The following SERPINI1 variants were observed in gnomAD, a reference collection of about 807,000 sequenced individuals.
SERPINI1 encodes the protein serpin family I member 1.
Under a neutral mutation model 41.1 loss-of-function variants are expected in SERPINI1, and 19 were observed. That is an observed-to-expected ratio of 0.46 (90% confidence interval 0.32 to 0.68). SERPINI1 has a LOEUF of 0.68. Among genes scored for constraint, SERPINI1 ranks in the 30% least tolerant of loss-of-function variants. SERPINI1 has a pLI of 0.03. For synonymous variants in SERPINI1, 138 were observed against 156.6 expected (o/e 0.88, Z 0.89); for missense variants, 460 against 479.2 (o/e 0.96, Z 0.37).
chr3:167,740,465 T>C (rs1355647093), intron 1 of SERPINI1, among the ~76,000 whole-genome samples: 1 of 152,236 alleles, frequency 6.6e-6, no homozygotes, highest in Non-Finnish European at 1.5e-5. Flanking sequence ...TTGAGAATCC[T>C]TTTACATAGT....
chr3:167,814,158 A>C (rs1711989864), intron 6 of SERPINI1, among the ~76,000 whole-genome samples: 1 of 152,182 alleles, frequency 6.6e-6, no homozygotes, highest in African/African-American at 2.4e-5. Context: ...CTATACCCTG[A>C]AATTGTAGTC....
chr3:167,820,745 A>C (rs1370310667), intron 6 of SERPINI1, among the ~76,000 whole-genome samples: 3 of 152,188 alleles, frequency 2.0e-5, no homozygotes, highest in Non-Finnish European at 4.4e-5. Flanking sequence ...GGCAGGAGGC[A>C]GACAGGCTCC....
chr3:167,801,194 A>G (rs1430991717), intron 5 of SERPINI1, among the ~76,000 whole-genome samples: 1 of 152,206 alleles, frequency 6.6e-6, no homozygotes, highest in East Asian at 1.9e-4. Context: ...TAATCCTTAT[A>G]TGTGTTATAG....
intron 1 of SERPINI1, among the ~76,000 whole-genome samples, chr3:167,742,093 A>C (rs1725699047): frequency 1.3e-5 from 2 of 152,094 alleles, no homozygotes; most frequent in African/African-American, 4.8e-5. Context: ...TAAGGAAAAA[A>C]ATTTAAAATG....
intron 4 of SERPINI1, among the ~76,000 whole-genome samples, chr3:167,793,479 TG>T (rs1727595282): frequency 6.6e-6 from 1 of 151,642 alleles, no homozygotes; most frequent in Admixed American, 6.6e-5. Flanking sequence ...GGCTCATGCC[TG>T]TAATCCCAGT....
At chr3:167,749,825 C>G (rs534281232) in intron 1 of SERPINI1, among the ~76,000 whole-genome samples, 2 of 151,998 alleles carry the variant, frequency 1.3e-5, no homozygotes, top group Non-Finnish European at 2.9e-5. Flanking sequence ...TCAATATAAA[C>G]AAAAGATGAG....
chr3:167,771,901 A>G (rs1726767596), intron 1 of SERPINI1, among the ~76,000 whole-genome samples: 1 of 152,234 alleles, frequency 6.6e-6, no homozygotes, highest in Admixed American at 6.5e-5. Context: ...GGTCTTTTAC[A>G]GGGAATTCTT....
At chr3:167,812,444 C>T (rs1711925366) in intron 6 of SERPINI1, among the ~76,000 whole-genome samples, 1 of 152,222 alleles carries the variant, frequency 6.6e-6, no homozygotes, top group Non-Finnish European at 1.5e-5. Flanking sequence ...ATCTCCTGCA[C>T]TGAACCTCAG....
chr3:167,822,821 A>G (rs951235571), intron 6 of SERPINI1, 165 bp from the exon 7 acceptor site: 1 of 560,946 alleles, frequency 1.8e-6, no homozygotes, highest in Non-Finnish European at 3.2e-6. Context: ...CAAATTAAAA[A>G]CCACATCTTC....
At chr3:167,774,130 ACT>A (rs1378673828) in intron 1 of SERPINI1, among the ~76,000 whole-genome samples, 9 of 152,120 alleles carry the variant, frequency 5.9e-5, no homozygotes, top group African/African-American at 1.9e-4. Flanking sequence ...CATCATAATA[ACT>A]CTATGAAATA....
At chr3:167,772,866 A>ATATATATATATATATG (rs1726819987) in intron 1 of SERPINI1, among the ~76,000 whole-genome samples, 1 of 27,738 alleles carries the variant, frequency 3.6e-5, no homozygotes, top group Non-Finnish European at 5.9e-5. Context: ...CTCTCTCTCT[A>ATATATATATATATATG]TATATATATA....
At chr3:167,747,518 C>T (rs990104965) in intron 1 of SERPINI1, among the ~76,000 whole-genome samples, 6 of 152,102 alleles carry the variant, frequency 3.9e-5, no homozygotes, top group Non-Finnish European at 5.9e-5. Flanking sequence ...GCAGCGGGCG[C>T]CTGTGGTTCC....
intron 6 of SERPINI1, 62 bp downstream of exon 6, chr3:167,807,403 A>G: frequency 9.3e-7 from 1 of 1,074,728 alleles, no homozygotes; most frequent in Admixed American, 1.8e-5. Context: ...AAATGATGAT[A>G]TTAAATCCTC....
intron 5 of SERPINI1, among the ~76,000 whole-genome samples, chr3:167,803,283 A>AT (rs1322020611): frequency 2.4e-5 from 3 of 124,998 alleles, no homozygotes; most frequent in South Asian, 2.3e-4. Context: ...TAATAATAAT[A>AT]AAAATAAATA....
rs531086520 is a variant in SERPINI1, at chr3:167,753,860, A to G, written c.-19+18037A>G. ...AAAAAAGGAACTGTGAAATAATTAT[A>G]TAGTGATGCTACTGTCTCTCTTCTG... On this transcript the variant is annotated intron_variant, in intron 1 of 8. Coordinates refer to ENST00000446050, the MANE Select transcript of SERPINI1 (RefSeq NM_001122752.2). Among the ~76,000 whole-genome samples, 4 of 152,370 alleles carry G rather than the reference A, an allele frequency of 2.6e-5. No homozygotes were observed. In the East Asian group the frequency reaches 5.8e-4, roughly 22 times the overall value.
At chr3:167,752,833 GA>G (rs746146334) in intron 1 of SERPINI1, among the ~76,000 whole-genome samples, 2 of 152,006 alleles carry the variant, frequency 1.3e-5, no homozygotes, top group Non-Finnish European at 2.9e-5. Context: ...CCTCTGTCTG[GA>G]ATACTGCTTC....
chr3:167,739,111 C>CT lies in SERPINI1; in HGVS notation c.-19+3306dup, dbSNP rs79245847. ...TAAGGGAGAGATTTTTTTGTTGTTT[C>CT]TTTTTTTTTTTTTTTTTTAAATCTT... On this transcript the variant is annotated intron_variant, in intron 1 of 8. Transcript: ENST00000446050. 3.5e-3 allele frequency among the ~76,000 whole-genome samples: 404 copies of CT among 115,572 alleles called. 1 individual carries two copies. The highest frequency in any genetic ancestry group is 6.3e-3 in the South Asian group (23 of 3,628). 75.8% of individuals were successfully genotyped at this position (115,572 alleles called of 152,430 possible).
intron 1 of SERPINI1, among the ~76,000 whole-genome samples, chr3:167,743,154 G>C (rs1161157951): frequency 6.6e-6 from 1 of 151,908 alleles, no homozygotes; most frequent in Non-Finnish European, 1.5e-5. Flanking sequence ...TTGAGTATTA[G>C]GATTTCTTTT....
intron 6 of SERPINI1, among the ~76,000 whole-genome samples, chr3:167,808,134 T>TAATAAATAAATAAATAAATAAATAAATA (rs60263204): frequency 4.4e-4 from 65 of 146,914 alleles, no homozygotes; most frequent in Middle Eastern, 3.5e-3. Context: ...ATAGTAATGA[T>TAATAAATAAATAAATAAATAAATAAATA]AATAAATAAA....
Sources: gnomAD v4.1 joint callset for allele counts (sites outside exome capture counted in the v4.1 genomes callset) on GRCh38, gnomAD v4.1.1 for gene constraint, MANE v1.5 for transcripts, NCBI Gene and HGNC (gene_info 2026-07-23, HGNC 2026-07-21) for gene names.